Variants in CCNF observed in about 807,000 individuals in gnomAD.
The protein encoded by CCNF is cyclin F.
Under a neutral mutation model 85.4 loss-of-function variants are expected in CCNF, and 30 were observed. The ratio of observed to expected loss-of-function variants is 0.35; its 90% CI spans 0.26 to 0.48. The LOEUF is 0.48. Ranked by LOEUF, CCNF falls within the 20% of genes least tolerant of loss-of-function variation. The pLI is 0.99. For missense variants in CCNF, 919 were observed against 1,010.4 expected, an observed-to-expected ratio of 0.91 and a Z score of 1.23; for synonymous variants, 439 against 425.1, an observed-to-expected ratio of 1.03 and a Z score of -0.40.
Position 2,437,121 on chromosome 16 carries a change from C to G in CCNF, c.347-8C>G. 6.3e-7 allele frequency: 1 copy of G among 1,577,794 alleles called. No individual in the cohort carries two copies. On this transcript the variant is annotated splice_polypyrimidine_tract_variant and splice_region_variant and intron_variant, in intron 4 of 16. Transcript: ENST00000397066. ...CATCCCTGGGCTCTGTCCTGTCTGT[C>G]CCCGCAGTGTCTGTGTCTGATGAGG...
At chr16:2,435,674 T>C (rs1203682389) in intron 3 of CCNF, 132 bp from the exon 4 acceptor site, 439 of 11,514 alleles carry the variant, frequency 0.038, 21 homozygotes, top group African/African-American at 0.051. Context: ...CACATATATA[T>C]ATATATATAT....
chr16:2,456,788 C>A lies in CCNF; in HGVS notation c.2129C>A (p.Pro710His), dbSNP rs1050561691. ...TACTCCTCCGTCAGCACCGCAAGTC[C>A]CACAAGCTCCGTGGACGGTGGCTTG... ...SGYSSVSTAS[P>H]TSSVDGGLGA... Residue 710 changes from proline to histidine, a missense_variant, in exon 17 of 17, where the codon CCC (proline) becomes CAC (histidine). By Grantham distance (77) the Pro-to-His change is moderately conservative. This residue lies in a region of CCNF where 505 missense variants were observed against 514.8 expected (regional missense o/e 0.98). Coordinates refer to ENST00000397066, the MANE Select transcript of CCNF (RefSeq NM_001761.3). The surrounding 1 kb of genome is among the most constrained non-coding windows in gnomAD (Gnocchi z 4.5). 6.2e-7 allele frequency: 1 copy of A among 1,613,714 alleles called. No individual in the cohort carries two copies. The highest frequency in any genetic ancestry group is 8.5e-7 in the Non-Finnish European group (1 of 1,179,844).
rs12926008 is a variant in CCNF, at chr16:2,438,210, T to C, written c.594+87T>C. On this transcript the variant is annotated intron_variant, in intron 6 of 16. Transcript: ENST00000397066. Reference sequence around the variant, plus strand: ...GGAACTGAAAAGCAGCAGAAGGGGGTGTCCAAGGCCCAAAACAAAAGGCAA... The same window carrying C: ...GGAACTGAAAAGCAGCAGAAGGGGGCGTCCAAGGCCCAAAACAAAAGGCAA... The C allele has an allele frequency of 0.71, 704,510 of 994,574 alleles. 253,280 individuals are homozygous for C. Among genetic ancestry groups the C allele is most frequent in the African/African-American group, 0.92 (58,267 of 63,274 alleles). The allele number at this position is 994,574 out of a possible 1,614,324, so 61.6% of individuals were successfully genotyped here.
intron 11 of CCNF, 146 bp from the exon 12 acceptor site, chr16:2,449,136 A>G: frequency 7.0e-7 from 1 of 1,422,744 alleles, no homozygotes; most frequent in African/African-American, 1.4e-5. Flanking sequence ...CCACGGTTGC[A>G]CCACGTCGCC....
At position 2,452,751 on chromosome 16, in the gene CCNF, G is replaced by C. The variant is rs1446991145; in HGVS notation, c.1488-459G>C. 1 of 176,250 alleles carries C rather than the reference G, an allele frequency of 5.7e-6. No individual in the cohort carries two copies. 10.9% of individuals were successfully genotyped at this position (176,250 alleles called of 1,614,324 possible). ...CCCAGTAGTCTACTTTCTGTCCATGGATGTTTCCCATTCTGTACATTCCAT... is the reference window on the plus strand; with the variant it reads ...CCCAGTAGTCTACTTTCTGTCCATGCATGTTTCCCATTCTGTACATTCCAT... On this transcript the variant is annotated intron_variant, in intron 13 of 16. Transcript: ENST00000397066. The surrounding 1 kb of genome is among the most constrained non-coding windows in gnomAD (Gnocchi z 4.1).
rs1419569002 is a variant in CCNF at position 2,451,488 on chromosome 16, C to G, written c.1487+1573C>G. On this transcript the variant is annotated intron_variant, in intron 13 of 16. Transcript: ENST00000397066. This position sits in a 1 kb window ranked among gnomAD's most constrained non-coding sequence, Gnocchi z 4.3. The stretch of plus-strand genomic sequence containing the variant: ...CCTCCCACCTCTCGGCACCCCCACT[C>G]CCTGGTCTCCCACTTCCCCGCTTCT... 1.3e-5 allele frequency among the ~76,000 whole-genome samples: 2 copies of G among 152,216 alleles called. No individual in the cohort carries two copies. Among genetic ancestry groups the G allele is most frequent in the Non-Finnish European group, 2.9e-5 (2 of 68,040 alleles).
In CCNF at chr16:2,433,051, C is replaced by G. The variant is rs756107653; in HGVS notation, c.262C>G (p.Leu88Val). 2.7e-5 allele frequency: 44 copies of G among 1,608,672 alleles called. No homozygotes were observed. Among genetic ancestry groups the G allele is most frequent in the Non-Finnish European group, 3.7e-5 (43 of 1,175,866 alleles). Residue 88 changes from leucine (L) to valine (V), a missense_variant, in exon 3 of 17, where the codon CTG (leucine) becomes GTG (valine). This residue lies in a region of CCNF where 410 missense variants were observed against 478.6 expected (regional missense o/e 0.86). Transcript: ENST00000397066. ...FQELWPSPGN[L>V]KLFERAAEKG... ...GGAGCTGTGGCCGTCTCCAGGGAAC[C>G]TGAAGCTCTTTGAAAGGTATCTCTG...
At position 2,435,803 on chromosome 16, in the gene CCNF, C is replaced by G. The variant is rs2065287763; in HGVS notation, c.279-3C>G. ...GTGATGCTTTATGTTCTTAATGTTT[C>G]AGGGCTGCTGAAAAGGGGAATTTCG... On this transcript the variant is annotated splice_polypyrimidine_tract_variant and splice_region_variant and intron_variant, in intron 3 of 16. Coordinates refer to ENST00000397066, the MANE Select transcript of CCNF (RefSeq NM_001761.3). 2 of 1,612,314 alleles carry G rather than the reference C, an allele frequency of 1.2e-6. No individual in the cohort carries two copies. The highest frequency in any genetic ancestry group is 8.5e-7 in the Non-Finnish European group (1 of 1,178,812).
chr16:2,429,457 C>A lies in CCNF; in HGVS notation c.-25C>A, dbSNP rs2065251431. 3 of 1,221,510 alleles carry A rather than the reference C, an allele frequency of 2.5e-6. No individual in the cohort carries two copies. Among genetic ancestry groups the A allele is most frequent in the Non-Finnish European group, 3.1e-6 (3 of 982,076 alleles). 75.7% of individuals were successfully genotyped at this position (1,221,510 alleles called of 1,614,324 possible). On this transcript the variant is annotated 5_prime_UTR_variant, in exon 1 of 17. Transcript: ENST00000397066. The stretch of plus-strand genomic sequence containing the variant: ...CGCGGGCGCGCTCTCAGGCGGGCTC[C>A]GGCGGCAGCGACGCGAGCGCGGCGA...
intron 10 of CCNF, among the ~76,000 whole-genome samples, chr16:2,446,286 G>T (rs541195656): frequency 6.6e-6 from 1 of 152,170 alleles, no homozygotes; most frequent in South Asian, 2.1e-4. Context: ...ATCAGGGAGG[G>T]TGGCAGTTGG....
Position 2,453,225 on chromosome 16 carries a change from C to T in CCNF, c.1503C>T (p.Ala501=), listed in dbSNP as rs369890297. 65 of 1,613,654 alleles carry T rather than the reference C, an allele frequency of 4.0e-5. No homozygotes were observed. In the Middle Eastern group the frequency reaches 6.6e-4, roughly 16 times the overall value. ...SLHKKCFHDD[A]PKDYRQVSLT... ...CTGTTTCCAGCTTCCATGATGACGC[C>T]CCCAAGGACTACAGGCAAGTCTCTC... is the stretch of plus-strand genomic sequence containing the variant. Residue 501 remains alanine (A), a synonymous_variant, in exon 14 of 17, where the codon GCC becomes GCT. Transcript: ENST00000397066. The surrounding 1 kb of genome is among the most constrained non-coding windows in gnomAD (Gnocchi z 5.6).
intron 4 of CCNF, 99 bp downstream of exon 4, chr16:2,435,972 C>T: frequency 3.7e-6 from 3 of 800,680 alleles, no homozygotes; most frequent in Non-Finnish European, 6.3e-6. Flanking sequence ...AGTTGCTGTC[C>T]TTGCTCTATC....
Position 2,455,546 on chromosome 16 carries a change from G to A in CCNF, c.1867G>A (p.Gly623Ser). The change falls in exon 16 of 17, where the codon GGC becomes AGC. Residue 623 changes from glycine to serine, a missense_variant. By Grantham distance (56) the Gly-to-Ser change is moderately conservative. Around this residue, in one of 3 missense-constraint regions of CCNF, gnomAD observed 505 missense variants for 514.8 expected, o/e 0.98. Transcript: ENST00000397066. ...SGYEGDQESE[G>S]EKEGDVTAPS... ...CTATGAAGGCGACCAGGAGAGTGAG[G>A]GCGAGAAGGAGGGCGACGGTGAGTG... 3.1e-6 allele frequency: 5 copies of A among 1,598,758 alleles called. No individual in the cohort carries two copies. Among genetic ancestry groups the A allele is most frequent in the Non-Finnish European group, 4.3e-6 (5 of 1,167,530 alleles).
At chr16:2,431,343 T>C in intron 2 of CCNF, 59 bp downstream of exon 2, 1 of 1,562,818 alleles carries the variant, frequency 6.4e-7, no homozygotes, top group Non-Finnish European at 8.7e-7. Flanking sequence ...CCATCAGGCC[T>C]TGTGTTCTTA....
In CCNF at chr16:2,436,214, C is replaced by G. The variant is rs1596916729; in HGVS notation, c.346+341C>G. The stretch of plus-strand genomic sequence containing the variant: ...GCAGACCTGCCTGTGGATGCTGGCC[C>G]TCTCCTTGGCCATCCTCTTAGAACT... On this transcript the variant is annotated intron_variant, in intron 4 of 16. Transcript: ENST00000397066. The G allele has an allele frequency of 1.4e-5, 3 of 216,168 alleles. No homozygotes were observed. In the East Asian group the frequency reaches 3.2e-4, roughly 23 times the overall value. 13.4% of individuals were successfully genotyped at this position (216,168 alleles called of 1,614,324 possible).
rs2065394382 is a variant in CCNF at position 2,451,379 on chromosome 16, G to C, written c.1487+1464G>C. On this transcript the variant is annotated intron_variant, in intron 13 of 16. Coordinates refer to ENST00000397066, the MANE Select transcript of CCNF (RefSeq NM_001761.3). The surrounding 1 kb of genome is among the most constrained non-coding windows in gnomAD (Gnocchi z 4.3). ...CATGAGTGGAGTCATGGCAGTGAGGGGTGAGGGGGACAAGCACGGGGCTGA... is the reference window on the plus strand; with the variant it reads ...CATGAGTGGAGTCATGGCAGTGAGGCGTGAGGGGGACAAGCACGGGGCTGA... Among the ~76,000 whole-genome samples, 1 of 152,072 alleles carries C rather than the reference G, an allele frequency of 6.6e-6. No individual in the cohort carries two copies. The highest frequency in any genetic ancestry group is 6.5e-5 in the Admixed American group (1 of 15,274).
chr16:2,446,979 G>C (rs1407208838), intron 10 of CCNF, among the ~76,000 whole-genome samples: 1 of 152,212 alleles, frequency 6.6e-6, no homozygotes, highest in Non-Finnish European at 1.5e-5. Flanking sequence ...AGCAAACCCT[G>C]CCACAAGCAT....
intron 3 of CCNF, among the ~76,000 whole-genome samples, chr16:2,433,746 C>T (rs2065274057): frequency 6.6e-6 from 1 of 152,130 alleles, no homozygotes; most frequent in South Asian, 2.1e-4. Context: ...CTACCACGCC[C>T]ATCTAATTTT....
At chr16:2,449,141 G>A (rs750731943) in intron 11 of CCNF, 141 bp from the exon 12 acceptor site, 12 of 1,416,782 alleles carry the variant, frequency 8.5e-6, no homozygotes, top group Middle Eastern at 1.8e-4. Flanking sequence ...GTTGCACCAC[G>A]TCGCCATCTG....
Sources: allele counts gnomAD v4.1 joint callset (sites outside exome capture counted in the v4.1 genomes callset), GRCh38; gene constraint gnomAD v4.1.1; regional missense constraint gnomAD v4.1.1; non-coding constraint Gnocchi (gnomAD v3.1); transcripts MANE v1.5; gene names NCBI Gene and HGNC (gene_info 2026-07-23, HGNC 2026-07-21).